Variants in ELF2 observed in about 807,000 individuals in gnomAD.
ELF2 encodes the protein ETS-related transcription factor Elf-2.
A neutral mutation model predicts 54.8 loss-of-function variants in ELF2; 11 were observed. The observed-to-expected ratio is 0.20, with a 90% confidence interval of 0.13 to 0.33. The LOEUF (loss-of-function observed/expected upper bound fraction) is 0.33, where lower values mean the gene tolerates loss of function less well. Ranked by LOEUF, ELF2 falls within the 10% of genes least tolerant of loss-of-function variation. The pLI is 1.00. For missense variants in ELF2, 513 were observed against 703.0 expected (o/e 0.73, Z 3.06); for synonymous variants, 203 against 245.1 (o/e 0.83, Z 1.61).
At chr4:139,177,388 C>G (rs1303838424), upstream of ELF2, among the ~76,000 whole-genome samples, 2 of 151,900 alleles carry the variant, frequency 1.3e-5, no homozygotes, top group Non-Finnish European at 2.9e-5. Flanking sequence ...GGGGCGGCAC[C>G]GCCAGTCACC....
At chr4:139,117,647 A>T (rs779509173) in intron 4 of ELF2, among the ~76,000 whole-genome samples, 1 of 152,042 alleles carries the variant, frequency 6.6e-6, no homozygotes, top group Non-Finnish European at 1.5e-5. Flanking sequence ...GTGCCACTGC[A>T]CTCTAGCCTA....
chr4:139,171,449 T>C (rs1294892468), intron 1 of ELF2, among the ~76,000 whole-genome samples: 1 of 152,040 alleles, frequency 6.6e-6, no homozygotes, highest in Non-Finnish European at 1.5e-5. Flanking sequence ...CTGCTCAAGG[T>C]CATCGCCAAG....
At chr4:139,130,643 T>C (rs1005632406) in intron 3 of ELF2, among the ~76,000 whole-genome samples, 5 of 152,224 alleles carry the variant, frequency 3.3e-5, no homozygotes, top group Admixed American at 1.3e-4. Flanking sequence ...ATTATAATTA[T>C]GTGTTTACAT....
chr4:139,106,199 T>TATG (rs1044900620), intron 4 of ELF2, among the ~76,000 whole-genome samples: 55 of 152,218 alleles, frequency 3.6e-4, no homozygotes, highest in African/African-American at 1.2e-3. Flanking sequence ...CTCACTCCAT[T>TATG]AACGAATATG....
intron 1 of ELF2, among the ~76,000 whole-genome samples, chr4:139,152,889 T>C (rs1740153757): frequency 7.3e-6 from 1 of 136,362 alleles, no homozygotes; most frequent in South Asian, 2.3e-4. Flanking sequence ...AATAGTGTCA[T>C]ACTTTTTTTT....
intron 4 of ELF2, among the ~76,000 whole-genome samples, chr4:139,083,081 G>T (rs1731365594): frequency 6.6e-6 from 1 of 151,794 alleles, no homozygotes; most frequent in Non-Finnish European, 1.5e-5. Flanking sequence ...AGAAATCAAC[G>T]TTCTAATTTG....
rs144253234 is a variant in ELF2, at chr4:139,071,476, G to T, written c.526+390C>A. On this transcript the variant is annotated intron_variant, in intron 6 of 9. Coordinates refer to ENST00000686138, the MANE Select transcript of ELF2 (RefSeq NM_001331036.3). ...AAAAATATCCATGAAAGCAAGGGAA[G>T]ACAAGACTTTGTAAAATAAAGAATA... is the stretch of plus-strand genomic sequence containing the variant. Among the ~76,000 whole-genome samples, 159 of 152,070 alleles carry T rather than the reference G, an allele frequency of 1.0e-3. 1 individual carries two copies. The highest frequency in any genetic ancestry group is 3.8e-3 in the African/African-American group (156 of 41,490).
intron 1 of ELF2, among the ~76,000 whole-genome samples, chr4:139,157,343 T>C (rs1740647243): frequency 6.6e-6 from 1 of 152,146 alleles, no homozygotes; most frequent in African/African-American, 2.4e-5. Flanking sequence ...CTCTCTCTTA[T>C]ACACACACAC....
chr4:139,076,959 G>A (rs944543847), intron 4 of ELF2, among the ~76,000 whole-genome samples: 9 of 151,754 alleles, frequency 5.9e-5, no homozygotes, highest in South Asian at 2.1e-4. Context: ...TTAAATTTAC[G>A]ATGACAACAT....
intron 6 of ELF2, among the ~76,000 whole-genome samples, chr4:139,069,030 C>T (rs768738355): frequency 3.3e-5 from 5 of 152,024 alleles, no homozygotes; most frequent in Non-Finnish European, 7.4e-5. Context: ...CCACCACGTC[C>T]AGCTAATTTT....
intron 1 of ELF2, among the ~76,000 whole-genome samples, chr4:139,145,886 T>C (rs929074417): frequency 4.0e-4 from 61 of 152,160 alleles, no homozygotes; most frequent in African/African-American, 1.4e-3. Flanking sequence ...AAGGGAATTA[T>C]CTCAAAATAA....
At chr4:139,129,017 C>T (rs1010523278) in intron 3 of ELF2, among the ~76,000 whole-genome samples, 3 of 152,112 alleles carry the variant, frequency 2.0e-5, no homozygotes, top group Non-Finnish European at 4.4e-5. Flanking sequence ...TGACACACCG[C>T]AACCTCTGCC....
At chr4:139,115,369 C>T (rs1735573041) in intron 4 of ELF2, 9 of 1,100,664 alleles carry the variant, frequency 8.2e-6, no homozygotes, top group Non-Finnish European at 1.0e-5. Context: ...TGCCGCTGTC[C>T]GCCATGGCGG....
rs10711256 is a variant in ELF2, at chr4:139,121,095, A to ATTTTTTTT, written c.238+4061_238+4068dup. ...GCTTTGTATTTTGAATATAACACAGATTTTTTTTTTTTTTTTTTTTTTTTT... is the reference window on the plus strand; with the variant it reads ...GCTTTGTATTTTGAATATAACACAGATTTTTTTTTTTTTTTTTTTTTTTTTTTTTTTTT... On this transcript the variant is annotated intron_variant, in intron 4 of 9. Coordinates refer to ENST00000686138, the MANE Select transcript of ELF2 (RefSeq NM_001331036.3). 2.0e-4 allele frequency among the ~76,000 whole-genome samples: 13 copies of ATTTTTTTT among 65,084 alleles called. 2 individuals carry two copies. Among genetic ancestry groups the ATTTTTTTT allele is most frequent in the African/African-American group, 8.4e-4 (11 of 13,092 alleles). 42.7% of individuals were successfully genotyped at this position (65,084 alleles called of 152,430 possible).
intron 1 of ELF2, among the ~76,000 whole-genome samples, chr4:139,176,225 G>A (rs1159177878): frequency 1.3e-5 from 2 of 152,228 alleles, no homozygotes; most frequent in African/African-American, 2.4e-5. Context: ...TCCGATCCGA[G>A]CAAAGCCTCC....
intron 1 of ELF2, among the ~76,000 whole-genome samples, chr4:139,157,533 C>G (rs886866506): frequency 2.0e-5 from 3 of 152,128 alleles, no homozygotes; most frequent in African/African-American, 7.2e-5. Flanking sequence ...TCCTGAGTAG[C>G]TAGGACTATA....
intron 4 of ELF2, among the ~76,000 whole-genome samples, chr4:139,083,918 G>A (rs1019585835): frequency 1.3e-5 from 2 of 152,322 alleles, no homozygotes; most frequent in African/African-American, 4.8e-5. Flanking sequence ...AAGCGACAGC[G>A]CCGGATTCGA....
chr4:139,146,356 C>T (rs1456026250), intron 1 of ELF2, among the ~76,000 whole-genome samples: 1 of 152,116 alleles, frequency 6.6e-6, no homozygotes, highest in Non-Finnish European at 1.5e-5. Context: ...ACTACAAACA[C>T]TGATGAAAGA....
At chr4:139,150,393 T>C (rs1425339072) in intron 1 of ELF2, among the ~76,000 whole-genome samples, 1 of 150,808 alleles carries the variant, frequency 6.6e-6, no homozygotes, top group Non-Finnish European at 1.5e-5. Context: ...TAGCTGGGCA[T>C]GGTGGTGCAC....
Sources: allele counts gnomAD v4.1 joint callset (sites outside exome capture counted in the v4.1 genomes callset), GRCh38; gene constraint gnomAD v4.1.1; transcripts MANE v1.5; gene names NCBI Gene and HGNC (gene_info 2026-07-23, HGNC 2026-07-21).